Variants in SAR1A observed in about 807,000 individuals in gnomAD.
SAR1A encodes the protein small COPII coat GTPase SAR1A.
SAR1A carries 6 observed loss-of-function variants against 22.6 expected under a neutral mutation model. The observed-to-expected ratio is 0.27, with a 90% confidence interval of 0.15 to 0.52. The LOEUF (loss-of-function observed/expected upper bound fraction) is 0.52, where lower values mean the gene tolerates loss of function less well. SAR1A is among the 20% of genes least tolerant of loss of function. The pLI is 0.96. For synonymous variants in SAR1A, 70 were observed against 82.2 expected (o/e 0.85, Z 0.80); for missense variants, 145 against 245.1 (o/e 0.59, Z 2.73).
At chr10:70,155,022 G>A in intron 5 of SAR1A, 1 of 492,006 alleles carries the variant, frequency 2.0e-6, no homozygotes, top group South Asian at 1.5e-5. Context: ...AGTACTGCAT[G>A]GCTGGATTCA....
At chr10:70,165,915 G>A (rs185543535) in intron 1 of SAR1A, among the ~76,000 whole-genome samples, 1 of 152,300 alleles carries the variant, frequency 6.6e-6, no homozygotes, top group Non-Finnish European at 1.5e-5. Context: ...TTAAGAAACT[G>A]CCACAGCCAT....
At chr10:70,157,937 A>T (rs989579926) in intron 4 of SAR1A, 70 bp from the exon 5 acceptor site, 10 of 1,035,578 alleles carry the variant, frequency 9.7e-6, no homozygotes, top group Non-Finnish European at 1.3e-5. Flanking sequence ...CTAATGGTCT[A>T]TAAAATGGAC....
intron 1 of SAR1A, chr10:70,164,207 G>T (rs966587772): frequency 5.0e-6 from 3 of 602,244 alleles, no homozygotes; most frequent in African/African-American, 3.7e-5. Context: ...TCTGTAAAAG[G>T]CTTCTCCCTA....
At chr10:70,165,133 C>A (rs1000678383) in intron 1 of SAR1A, among the ~76,000 whole-genome samples, 1 of 151,002 alleles carries the variant, frequency 6.6e-6, no homozygotes, top group Non-Finnish European at 1.5e-5. Flanking sequence ...GGCGTAGTGG[C>A]GGGCGCCTGT....
chr10:70,162,493 G>A (rs1347964121), intron 1 of SAR1A, among the ~76,000 whole-genome samples: 1 of 119,768 alleles, frequency 8.3e-6, no homozygotes, highest in Admixed American at 8.3e-5. Context: ...AGGGGGAGGG[G>A]AGGAGGGGAA....
At position 70,151,239 on chromosome 10, in the gene SAR1A, G is replaced by A. The variant is rs1016417423; in HGVS notation, c.*1237C>T. The A allele has an allele frequency of 4.3e-5, 3 of 69,558 alleles. No homozygotes were observed. Among genetic ancestry groups the A allele is most frequent in the African/African-American group, 1.6e-4 (3 of 18,870 alleles). 4.3% of individuals were successfully genotyped at this position (69,558 alleles called of 1,614,324 possible). On this transcript the variant is annotated 3_prime_UTR_variant, in exon 7 of 7. Coordinates refer to ENST00000373241, the MANE Select transcript of SAR1A (RefSeq NM_020150.5). ...TGTTTCCCTAGCTTATTTCTGCAAT[G>A]GAGAAAGACAATTTCATACCAAAAA...
At chr10:70,170,272 C>T (rs1375937789) in intron 1 of SAR1A, 141 bp downstream of exon 1, 3 of 151,864 alleles carry the variant, frequency 2.0e-5, no homozygotes, top group African/African-American at 7.3e-5. Context: ...CAGAATCAGC[C>T]CCGCGGCCCC....
chr10:70,166,086 T>C (rs1395294532), intron 1 of SAR1A, among the ~76,000 whole-genome samples: 2 of 152,250 alleles, frequency 1.3e-5, no homozygotes, highest in East Asian at 1.9e-4. Context: ...AAGGTACGTA[T>C]TTTCTAAGAC....
chr10:70,157,546 A>T, intron 5 of SAR1A: 2 of 507,002 alleles, frequency 3.9e-6, no homozygotes, highest in Non-Finnish European at 3.5e-6. Flanking sequence ...TGATAGAAAC[A>T]ACAGTTAATT....
chr10:70,158,886 C>T (rs894593514), intron 4 of SAR1A, among the ~76,000 whole-genome samples: 1 of 151,924 alleles, frequency 6.6e-6, no homozygotes, highest in Non-Finnish European at 1.5e-5. Context: ...AAACTAATTA[C>T]ATCAATACAT....
At chr10:70,164,179 C>G in intron 1 of SAR1A, 1 of 638,218 alleles carries the variant, frequency 1.6e-6, no homozygotes, top group South Asian at 1.8e-5. Context: ...TGTTTATTTG[C>G]CTTTTGTTTG....
At chr10:70,156,586 C>T (rs1264996406) in intron 5 of SAR1A, among the ~76,000 whole-genome samples, 3 of 151,150 alleles carry the variant, frequency 2.0e-5, no homozygotes, top group Non-Finnish European at 2.9e-5. Context: ...GCAGGAATAT[C>T]GCTTGAGCCC....
chr10:70,167,030 T>C (rs1206454631), intron 1 of SAR1A, among the ~76,000 whole-genome samples: 1 of 151,874 alleles, frequency 6.6e-6, no homozygotes, highest in Non-Finnish European at 1.5e-5. Context: ...AAGAATACTT[T>C]TCAGGATATA....
intron 4 of SAR1A, among the ~76,000 whole-genome samples, chr10:70,159,174 C>T (rs574983364): frequency 6.6e-5 from 10 of 152,276 alleles, no homozygotes; most frequent in Admixed American, 5.9e-4. Flanking sequence ...TTTCTAATCC[C>T]TCTATCAAAA....
At chr10:70,155,054 C>T (rs1230511418) in intron 5 of SAR1A, 9 of 516,700 alleles carry the variant, frequency 1.7e-5, no homozygotes, top group East Asian at 1.1e-4. Flanking sequence ...AGACATGCAG[C>T]GACAAAGTAA....
At chr10:70,161,466 C>T (rs567611562) in intron 3 of SAR1A, 153 bp downstream of exon 3, 4 of 805,662 alleles carry the variant, frequency 5.0e-6, no homozygotes, top group South Asian at 1.8e-5. Flanking sequence ...TCTGAAAGTA[C>T]ATAACCTGAG....
intron 1 of SAR1A, chr10:70,164,234 T>G: frequency 1.8e-6 from 1 of 571,092 alleles, no homozygotes; most frequent in South Asian, 2.0e-5. Context: ...AAAAAAAATA[T>G]GCATGTATGG....
At chr10:70,163,482 G>A (rs961231646) in intron 1 of SAR1A, among the ~76,000 whole-genome samples, 3 of 152,152 alleles carry the variant, frequency 2.0e-5, no homozygotes, top group Admixed American at 6.5e-5. Context: ...GTGACTTTAC[G>A]TTGAGGCCAA....
rs139441825 is a variant in SAR1A, at chr10:70,169,246, C to T, written c.-17+1167G>A. On this transcript the variant is annotated intron_variant, in intron 1 of 6. Coordinates refer to ENST00000373241, the MANE Select transcript of SAR1A (RefSeq NM_020150.5). The stretch of plus-strand genomic sequence containing the variant: ...TGTTAACAGTACATAAAATTCAAAC[C>T]CAAACCACAAAATTGCTGGGGAAAA... 3.7e-3 allele frequency among the ~76,000 whole-genome samples: 570 copies of T among 152,004 alleles called. 3 individuals are homozygous for T. The highest frequency in any genetic ancestry group is 0.013 in the African/African-American group (541 of 41,440).
Sources: gnomAD v4.1 joint callset for allele counts (sites outside exome capture counted in the v4.1 genomes callset) on GRCh38, gnomAD v4.1.1 for gene constraint, MANE v1.5 for transcripts, NCBI Gene and HGNC (gene_info 2026-07-23, HGNC 2026-07-21) for gene names.